Variants in CCDC7 observed in about 807,000 individuals in gnomAD.
CCDC7 encodes the protein coiled-coil domain-containing protein 7.
Under a neutral mutation model 196.9 loss-of-function variants are expected in CCDC7, and 183 were observed. That is an observed-to-expected ratio of 0.93 (90% CI 0.82 to 1.05). The LOEUF is 1.05. Among genes scored for constraint, CCDC7 ranks in the 50% least tolerant of loss-of-function variants. The pLI is 0.00. For missense variants in CCDC7, 1,540 were observed against 1,482.2 expected (o/e 1.04, Z -0.64); for synonymous variants, 525 against 484.6 (o/e 1.08, Z -1.10).
chr10:32,588,014 A>G (rs1408184771), intron 18 of CCDC7, among the ~76,000 whole-genome samples: 2 of 152,166 alleles, frequency 1.3e-5, no homozygotes, highest in Admixed American at 1.3e-4. Context: ...TTCATAGATT[A>G]ATGGGTTATC....
chr10:32,546,096 A>G (rs1003999371), intron 13 of CCDC7, among the ~76,000 whole-genome samples: 2 of 152,118 alleles, frequency 1.3e-5, no homozygotes, highest in Non-Finnish European at 2.9e-5. Context: ...TCACCCTGGC[A>G]TAACTGTCTC....
At position 32,847,825 on chromosome 10, in the gene CCDC7, G is replaced by A. The variant is rs779805162; in HGVS notation, c.3689-8G>A. 7 of 1,574,390 alleles carry A rather than the reference G, an allele frequency of 4.4e-6. No individual in the cohort carries two copies. The highest frequency in any genetic ancestry group is 4.1e-5 in the African/African-American group (3 of 73,070). On this transcript the variant is annotated splice_region_variant and splice_polypyrimidine_tract_variant and intron_variant, in intron 37 of 41. Coordinates refer to ENST00000639629, the Ensembl canonical transcript of CCDC7. The stretch of plus-strand genomic sequence containing the variant: ...AAAAGTGTTTTGAAATGTGTTTTAT[G>A]TCTATAGAGACTGATGTAGAACCCT...
intron 29 of CCDC7, among the ~76,000 whole-genome samples, chr10:32,789,096 CTTTT>C (rs35122018): frequency 1.6e-5 from 2 of 124,726 alleles, no homozygotes; most frequent in Non-Finnish European, 1.6e-5. Flanking sequence ...CGGTAAAGGG[CTTTT>C]TTTTTTTTTT....
intron 8 of CCDC7, among the ~76,000 whole-genome samples, chr10:32,482,743 G>A (rs2040219314): frequency 6.6e-6 from 1 of 151,852 alleles, no homozygotes. Flanking sequence ...GTGAGGACAT[G>A]CGGTGTTTGG....
At chr10:32,660,015 G>A (rs921944455) in intron 20 of CCDC7, among the ~76,000 whole-genome samples, 49 of 152,164 alleles carry the variant, frequency 3.2e-4, no homozygotes, top group Admixed American at 2.7e-3. Flanking sequence ...CTATAAAGAC[G>A]TGTGCACATG....
intron 18 of CCDC7, among the ~76,000 whole-genome samples, chr10:32,621,816 A>G (rs1434439507): frequency 1.3e-5 from 2 of 152,176 alleles, no homozygotes; most frequent in Admixed American, 6.6e-5. Flanking sequence ...GCCCTAAGTG[A>G]TTTGGATGAC....
intron 5 of CCDC7, among the ~76,000 whole-genome samples, chr10:32,470,590 C>G (rs753523464): frequency 6.6e-6 from 1 of 152,086 alleles, no homozygotes; most frequent in African/African-American, 2.4e-5. Context: ...TCACAGTCTT[C>G]CCCATGCAGA....
intron 28 of CCDC7, among the ~76,000 whole-genome samples, chr10:32,744,388 AG>A (rs1337511308): frequency 6.6e-6 from 1 of 151,616 alleles, no homozygotes; most frequent in Non-Finnish European, 1.5e-5. Flanking sequence ...AAAAAAAAAA[AG>A]AAACAGCCAA....
chr10:32,818,462 T>C (rs2089347786), intron 31 of CCDC7, among the ~76,000 whole-genome samples: 1 of 152,118 alleles, frequency 6.6e-6, no homozygotes, highest in Non-Finnish European at 1.5e-5. Context: ...ATCCAGGAAT[T>C]GAACTCAGCT....
intron 18 of CCDC7, chr10:32,623,647 G>C: frequency 2.2e-6 from 1 of 458,042 alleles, no homozygotes; most frequent in Non-Finnish European, 4.4e-6. Context: ...CATCTGTGTT[G>C]ACATAAGGAA....
chr10:32,638,423 G>C (rs895905315), intron 20 of CCDC7, among the ~76,000 whole-genome samples: 3 of 152,154 alleles, frequency 2.0e-5, no homozygotes, highest in African/African-American at 7.2e-5. Flanking sequence ...CTAATGTATT[G>C]AGAGTTTTTA....
intron 18 of CCDC7, among the ~76,000 whole-genome samples, chr10:32,611,413 T>C (rs2062118078): frequency 6.6e-6 from 1 of 152,250 alleles, no homozygotes; most frequent in South Asian, 2.1e-4. Flanking sequence ...ATGCAGAAGC[T>C]CTTTAGTTTA....
At chr10:32,869,835 C>A (rs1199520425) in intron 41 of CCDC7, among the ~76,000 whole-genome samples, 4 of 89,812 alleles carry the variant, frequency 4.5e-5, no homozygotes, top group Non-Finnish European at 1.0e-4. Flanking sequence ...TTTCCCAGCA[C>A]CATTTATTAA....
At chr10:32,501,284 C>A (rs2095163) in intron 9 of CCDC7, among the ~76,000 whole-genome samples, 2,298 of 152,042 alleles carry the variant, frequency 0.015, 134 homozygotes, top group Admixed American at 0.12. Context: ...TTCCTGTAAC[C>A]TTTTTTCAAG....
intron 16 of CCDC7, among the ~76,000 whole-genome samples, chr10:32,579,588 C>T (rs2058552128): frequency 6.6e-6 from 1 of 152,070 alleles, no homozygotes; most frequent in African/African-American, 2.4e-5. Flanking sequence ...GCTCACAGCA[C>T]TCATCAAATA....
chr10:32,471,116 C>A, exon 6 of CCDC7: 1 of 1,612,000 alleles, frequency 6.2e-7, no homozygotes, highest in Non-Finnish European at 8.5e-7. Flanking sequence ...CCTGACAAAA[C>A]AGTCATTTTA....
chr10:32,527,168 C>A (rs1176759634), intron 11 of CCDC7, among the ~76,000 whole-genome samples: 1 of 152,122 alleles, frequency 6.6e-6, no homozygotes, highest in African/African-American at 2.4e-5. Context: ...CCCAGCATGG[C>A]TTTATTCTCT....
intron 5 of CCDC7, among the ~76,000 whole-genome samples, 189 bp downstream of exon 6, chr10:32,463,238 A>C (rs566711025): frequency 4.6e-5 from 7 of 152,136 alleles, no homozygotes; most frequent in Non-Finnish European, 1.0e-4. Context: ...CCTACACCCT[A>C]TATCCCTGCA....
At chr10:32,565,722 A>G in intron 14 of CCDC7, 102 bp downstream of exon 15, 1 of 1,246,938 alleles carries the variant, frequency 8.0e-7, no homozygotes, top group Middle Eastern at 2.3e-4. Context: ...TAAGAGGTCT[A>G]CATATTCTAC....
Sources: allele counts gnomAD v4.1 joint callset (sites outside exome capture counted in the v4.1 genomes callset), GRCh38; gene constraint gnomAD v4.1.1; transcripts MANE v1.5; gene names NCBI Gene and HGNC (gene_info 2026-07-23, HGNC 2026-07-21).